The following APOBEC1 variants were observed in gnomAD, a reference collection of about 807,000 sequenced individuals.
APOBEC1 encodes the protein apolipoprotein B mRNA editing enzyme catalytic subunit 1.
A neutral mutation model predicts 26.3 loss-of-function variants in APOBEC1; 22 were observed. The ratio of observed to expected loss-of-function variants is 0.84; its 90% CI spans 0.60 to 1.19. The LOEUF is 1.19. APOBEC1 is among the 50% of genes most tolerant of loss of function. APOBEC1 has a pLI of 0.00. For synonymous variants in APOBEC1, 77 were observed against 95.3 expected (o/e 0.81, Z 1.12); for missense variants, 253 against 289.0 (o/e 0.88, Z 0.90).
In APOBEC1 at chr12:7,652,774, C is replaced by A. The variant is rs1262508580; in HGVS notation, c.106G>T (p.Ala36Ser). The change falls in exon 3 of 5, where the codon GCC becomes TCC. Residue 36 changes from alanine (A) to serine (S), a missense_variant. By Grantham distance (99) the Ala-to-Ser change is moderately conservative (BLOSUM62 1). Coordinates refer to ENST00000229304, the MANE Select transcript of APOBEC1 (RefSeq NM_001644.5). ...CACTTGATTTCGTAGAGCAGACAGG[C>A]CTCTTTACGAAGTTCTCTGGGGTCA... ...FYDPRELRKE[A>S]CLLYEIKWGM... 1.2e-6 allele frequency: 2 copies of A among 1,613,746 alleles called. No individual in the cohort carries two copies. Among genetic ancestry groups the A allele is most frequent in the African/African-American group, 2.7e-5 (2 of 74,910 alleles).
Position 7,652,495 on chromosome 12 carries a change from G to C in APOBEC1, c.385C>G (p.Gln129Glu), listed in dbSNP as rs2136839104. The change falls in exon 3 of 5, where the codon CAA becomes GAA. Residue 129 changes from glutamine (Q) to glutamate (E), a missense_variant. Coordinates refer to ENST00000229304, the MANE Select transcript of APOBEC1 (RefSeq NM_001644.5). ...CTGTTAACAAGGTCCCTGAGACCTT[G>C]CCGATTTTGTTGATCCATGTGCCAA... Reference protein sequence around the residue: ...LFWHMDQQNRQGLRDLVNSGV... With the variant: ...LFWHMDQQNREGLRDLVNSGV... The C allele has an allele frequency of 3.1e-6, 5 of 1,614,068 alleles. No individual in the cohort carries two copies. Among genetic ancestry groups the C allele is most frequent in the South Asian group, 2.2e-5 (2 of 91,072 alleles).
At chr12:7,658,174 G>A (rs944791239) in intron 1 of APOBEC1, among the ~76,000 whole-genome samples, 8 of 152,002 alleles carry the variant, frequency 5.3e-5, no homozygotes, top group East Asian at 1.9e-4. Context: ...AGTGATTCTC[G>A]TGCCTGAGCC....
intron 1 of APOBEC1, among the ~76,000 whole-genome samples, chr12:7,662,220 G>A (rs919180065): frequency 1.3e-5 from 2 of 152,028 alleles, no homozygotes; most frequent in East Asian, 1.9e-4. Context: ...AGCCATGATC[G>A]CCATTGCACT....
At chr12:7,667,196 G>A (rs1283872945), upstream of APOBEC1, among the ~76,000 whole-genome samples, 2 of 152,104 alleles carry the variant, frequency 1.3e-5, no homozygotes, top group East Asian at 1.9e-4. Context: ...ACAGGCGTGA[G>A]CCACCTCTCC....
At chr12:7,657,342 ACT>A (rs1448948250) in intron 1 of APOBEC1, among the ~76,000 whole-genome samples, 1 of 151,990 alleles carries the variant, frequency 6.6e-6, no homozygotes, top group Non-Finnish European at 1.5e-5. Flanking sequence ...TTTTGAAGTG[ACT>A]CTGAGGCTTT....
chr12:7,664,772 T>G (rs1435855553), intron 1 of APOBEC1, among the ~76,000 whole-genome samples: 1 of 151,200 alleles, frequency 6.6e-6, no homozygotes, highest in Non-Finnish European at 1.5e-5. Context: ...GCAGGGCTGG[T>G]GGCCCATGCC....
chr12:7,669,070 ACTC>A (rs1158773844), upstream of APOBEC1, among the ~76,000 whole-genome samples: 1 of 151,514 alleles, frequency 6.6e-6, no homozygotes, highest in Non-Finnish European at 1.5e-5. Context: ...CTATCCTCCT[ACTC>A]CTAGTCCCAG....
chr12:7,662,015 C>A lies in APOBEC1; in HGVS notation c.16+3842G>T, dbSNP rs1051422980. On this transcript the variant is annotated intron_variant, in intron 1 of 4. Coordinates refer to ENST00000229304, the MANE Select transcript of APOBEC1 (RefSeq NM_001644.5). ...ATCCCAACACTTCAGGAGGCTGAGG[C>A]GGGAGGATTGCTTGAGGCTAGGAAA... is the stretch of plus-strand genomic sequence containing the variant. Among the ~76,000 whole-genome samples the A allele has an allele frequency of 3.3e-5, 5 of 152,112 alleles. No homozygotes were observed. The East Asian group carries it at 7.7e-4, about 23-fold the overall frequency.
chr12:7,650,471 A>G lies in APOBEC1; in HGVS notation c.561+552T>C, dbSNP rs183490710. ...GAATAAAAATGATAAAATGTAATTAATATGGGGACCACCCATATCTTAGAT... is the reference window on the plus strand; with the variant it reads ...GAATAAAAATGATAAAATGTAATTAGTATGGGGACCACCCATATCTTAGAT... On this transcript the variant is annotated intron_variant, in intron 4 of 4. Transcript: ENST00000229304. Among the ~76,000 whole-genome samples the G allele has an allele frequency of 5.3e-3, 815 of 152,338 alleles. 41 individuals are homozygous for G. The highest frequency in any genetic ancestry group is 0.048 in the Admixed American group (734 of 15,308).
At chr12:7,660,375 G>GGAAAGAAAGAAAAGAAAGAAAGAAA (rs1555094888) in intron 1 of APOBEC1, among the ~76,000 whole-genome samples, 1 of 23,950 alleles carries the variant, frequency 4.2e-5, no homozygotes, top group African/African-American at 1.3e-4. Context: ...AAGGAAGGAA[G>GGAAAGAAAGAAAAGAAAGAAAGAAA]GAAAGAAAGA....
At chr12:7,658,773 C>T (rs893554331) in intron 1 of APOBEC1, among the ~76,000 whole-genome samples, 24 of 147,726 alleles carry the variant, frequency 1.6e-4, no homozygotes, top group East Asian at 2.1e-4. Context: ...ACCAACATGG[C>T]GAAACCCCGT....
intron 1 of APOBEC1, among the ~76,000 whole-genome samples, chr12:7,662,801 G>A (rs547327751): frequency 6.7e-4 from 102 of 152,286 alleles, no homozygotes; most frequent in Non-Finnish European, 1.3e-3. Context: ...GACCTGAAGT[G>A]TGGACCTTGA....
intron 1 of APOBEC1, among the ~76,000 whole-genome samples, chr12:7,657,061 TG>T (rs1863725427): frequency 6.6e-6 from 1 of 151,618 alleles, no homozygotes; most frequent in African/African-American, 2.4e-5. Flanking sequence ...TGTGTGTGTG[TG>T]TGTGTGTGTG....
chr12:7,658,577 CTG>C (rs1373176735), intron 1 of APOBEC1, among the ~76,000 whole-genome samples: 12 of 152,260 alleles, frequency 7.9e-5, no homozygotes, highest in African/African-American at 1.2e-4. Flanking sequence ...AAAAGGAAGT[CTG>C]TGAGACCTCA....
chr12:7,659,908 G>T (rs1382368713), intron 1 of APOBEC1, among the ~76,000 whole-genome samples: 1 of 152,144 alleles, frequency 6.6e-6, no homozygotes, highest in Non-Finnish European at 1.5e-5. Context: ...GGCAGAGCTT[G>T]CAGTGAGCCG....
chr12:7,650,140 A>G (rs369418706), intron 4 of APOBEC1, among the ~76,000 whole-genome samples: 4 of 152,176 alleles, frequency 2.6e-5, no homozygotes, highest in Non-Finnish European at 1.5e-5. Context: ...AGAGAATCCA[A>G]TGGAACACGT....
intron 1 of APOBEC1, among the ~76,000 whole-genome samples, chr12:7,655,329 G>A (rs1300421560): frequency 3.3e-5 from 5 of 151,776 alleles, no homozygotes; most frequent in African/African-American, 4.8e-5. Flanking sequence ...TGACCAACAT[G>A]GAGAAACCGC....
rs1245381463 is a variant in APOBEC1 at position 7,649,619 on chromosome 12, G to A, written c.639C>T (p.Cys213=). Residue 213 remains cysteine (C), a synonymous_variant, in exon 5 of 5, where the codon TGC becomes TGT. Coordinates refer to ENST00000229304, the MANE Select transcript of APOBEC1 (RefSeq NM_001644.5). The part of the protein sequence containing the change: ...LTFFRLHLQN[C]HYQTIPPHIL... ...TGTGTGGCGGAATCGTTTGGTAATG[G>A]CAGTTTTGAAGATGAAGTCTGAAAA... 1 of 1,613,838 alleles carries A rather than the reference G, an allele frequency of 6.2e-7. No homozygotes were observed. The highest frequency in any genetic ancestry group is 8.5e-7 in the Non-Finnish European group (1 of 1,179,880).
intron 3 of APOBEC1, among the ~76,000 whole-genome samples, chr12:7,652,140 T>A (rs2136838753): frequency 6.6e-6 from 1 of 152,242 alleles, no homozygotes; most frequent in South Asian, 2.1e-4. Flanking sequence ...AAATTTTTTT[T>A]AGAGATGGGG....
Sources: allele counts gnomAD v4.1 joint callset (sites outside exome capture counted in the v4.1 genomes callset), GRCh38; gene constraint gnomAD v4.1.1; transcripts MANE v1.5; gene names NCBI Gene and HGNC (gene_info 2026-07-23, HGNC 2026-07-21).